The following ZNF106 variants were observed in gnomAD, a reference collection of about 807,000 sequenced individuals.
ZNF106 encodes SH3-domain binding protein 3.
In ZNF106, 67 loss-of-function variants were observed where a neutral mutation model predicts 195.1. The ratio of observed to expected loss-of-function variants is 0.34; its 90% CI spans 0.28 to 0.42. The LOEUF (loss-of-function observed/expected upper bound fraction) is 0.42, where lower values mean the gene tolerates loss of function less well. Ranked by LOEUF, ZNF106 falls within the 10% of genes least tolerant of loss-of-function variation. The pLI, the probability that ZNF106 is intolerant of heterozygous loss-of-function variation, is 1.00. For synonymous variants in ZNF106, 784 were observed against 818.6 expected (o/e 0.96, Z 0.72); for missense variants, 2,118 against 2,304.5 (o/e 0.92, Z 1.66).
At chr15:42,442,551 C>A (rs1384494040) in intron 9 of ZNF106, 137 bp from the exon 10 acceptor site, 8 of 644,640 alleles carry the variant, frequency 1.2e-5, no homozygotes, top group South Asian at 2.4e-5. Flanking sequence ...CATAATTCTC[C>A]GAAATATGGA....
At chr15:42,443,085 C>G (rs1271898647) in intron 9 of ZNF106, among the ~76,000 whole-genome samples, 1 of 152,066 alleles carries the variant, frequency 6.6e-6, no homozygotes, top group East Asian at 1.9e-4. Context: ...CCAGGCTGGT[C>G]TCAAACTTCT....
intron 7 of ZNF106, among the ~76,000 whole-genome samples, chr15:42,446,217 T>C (rs2055762717): frequency 6.6e-6 from 1 of 152,184 alleles, no homozygotes; most frequent in African/African-American, 2.4e-5. Flanking sequence ...AAAAAGTAAA[T>C]GGACAATCAG....
intron 1 of ZNF106, among the ~76,000 whole-genome samples, chr15:42,483,810 A>T (rs1171915945): frequency 1.3e-5 from 2 of 152,014 alleles, no homozygotes; most frequent in Non-Finnish European, 2.9e-5. Flanking sequence ...GCTTTTTCAT[A>T]TGCTGGTCCC....
intron 13 of ZNF106, among the ~76,000 whole-genome samples, chr15:42,436,244 T>C (rs1288833120): frequency 6.6e-6 from 1 of 152,158 alleles, no homozygotes; most frequent in East Asian, 1.9e-4. Context: ...TGAGCCACTG[T>C]GCCCGGCCAC....
At chr15:42,447,196 A>T (rs1408092612) in intron 6 of ZNF106, among the ~76,000 whole-genome samples, 2 of 152,214 alleles carry the variant, frequency 1.3e-5, no homozygotes, top group Admixed American at 6.5e-5. Flanking sequence ...TCATGACCTT[A>T]ACTACTATGC....
At chr15:42,444,339 T>C (rs1236619930) in intron 8 of ZNF106, 77 bp from the exon 9 acceptor site, 1 of 1,140,604 alleles carries the variant, frequency 8.8e-7, no homozygotes, top group Non-Finnish European at 1.3e-6. Flanking sequence ...TTTTCTTCTA[T>C]GTCCTGACCA....
chr15:42,482,532 T>TTTTG (rs1447875904), intron 1 of ZNF106, among the ~76,000 whole-genome samples: 9 of 138,540 alleles, frequency 6.5e-5, no homozygotes, highest in Non-Finnish European at 1.4e-4. Context: ...GTTTTTTTTT[T>TTTTG]TTTTTTTTTT....
At chr15:42,461,144 C>T (rs899837093) in intron 3 of ZNF106, among the ~76,000 whole-genome samples, 1 of 152,094 alleles carries the variant, frequency 6.6e-6, no homozygotes, top group African/African-American at 2.4e-5. Context: ...AAGCATATTA[C>T]CTCTATTACC....
chr15:42,462,524 G>A lies in ZNF106; in HGVS notation c.116+3529C>T, dbSNP rs12324164. Among the ~76,000 whole-genome samples the A allele has an allele frequency of 6.2e-3, 935 of 151,072 alleles. 6 individuals are homozygous for A. Among genetic ancestry groups the A allele is most frequent in the African/African-American group, 0.022 (894 of 41,092 alleles). ...CAGGCAGGAGAATCGCTTGAACCAG[G>A]GAGGCAGAGGTTGCAGTGAGCCGAG... On this transcript the variant is annotated intron_variant, in intron 3 of 21. Transcript: ENST00000564754.
chr15:42,415,548 C>G lies in ZNF106; in HGVS notation c.*1756G>C. On this transcript the variant is annotated 3_prime_UTR_variant, in exon 22 of 22. Transcript: ENST00000564754. Reference sequence around the variant, plus strand: ...CTCACAGACCCTCTTGAAGCCTATCCATAAACCCCCTGGTGAAGTCCCCCT... The same window carrying G: ...CTCACAGACCCTCTTGAAGCCTATCGATAAACCCCCTGGTGAAGTCCCCCT... 1 of 451,296 alleles carries G rather than the reference C, an allele frequency of 2.2e-6. No homozygotes were observed. The highest frequency in any genetic ancestry group is 4.5e-6 in the Non-Finnish European group (1 of 224,568). The allele number at this position is 451,296 out of a possible 1,614,324, so 28.0% of individuals were successfully genotyped here.
chr15:42,430,464 T>C (rs764181220), intron 14 of ZNF106, among the ~76,000 whole-genome samples: 6 of 152,060 alleles, frequency 3.9e-5, no homozygotes, highest in Non-Finnish European at 8.8e-5. Context: ...ACTGCAGCCT[T>C]GACCTCCGAG....
chr15:42,418,632 G>A (rs1010098786), intron 20 of ZNF106, among the ~76,000 whole-genome samples: 13 of 148,012 alleles, frequency 8.8e-5, no homozygotes, highest in African/African-American at 3.3e-4. Flanking sequence ...GCCCATCTTG[G>A]CCTCCCAAAG....
In ZNF106 at chr15:42,451,966, A is replaced by C; in HGVS notation, c.318-12T>G. On this transcript the variant is annotated splice_polypyrimidine_tract_variant and intron_variant, in intron 4 of 21. Coordinates refer to ENST00000564754, the MANE Select transcript of ZNF106 (RefSeq NM_001366845.3). ...AAGGTTCATCTTGTCTGGAAGAAAAACAGTTTTTCATTAGCGATTTAAAGG... is the reference window on the plus strand; with the variant it reads ...AAGGTTCATCTTGTCTGGAAGAAAACCAGTTTTTCATTAGCGATTTAAAGG... 6.3e-7 allele frequency: 1 copy of C among 1,594,282 alleles called. No homozygotes were observed. The highest frequency in any genetic ancestry group is 1.1e-5 in the South Asian group (1 of 88,316).
intron 3 of ZNF106, among the ~76,000 whole-genome samples, chr15:42,460,472 C>G (rs1285232308): frequency 2.0e-5 from 3 of 152,210 alleles, no homozygotes; most frequent in Non-Finnish European, 4.4e-5. Context: ...AACCATTTTG[C>G]AATCCTAGTG....
chr15:42,450,329 T>C lies in ZNF106; in HGVS notation c.1943A>G (p.Lys648Arg), dbSNP rs758432040. 1 of 1,614,170 alleles carries C rather than the reference T, an allele frequency of 6.2e-7. No homozygotes were observed. The highest frequency in any genetic ancestry group is 1.1e-5 in the South Asian group (1 of 91,082). Residue 648 changes from lysine (K) to arginine (R), a missense_variant, in exon 5 of 22, where the codon AAA becomes AGA. By Grantham distance (26) the Lys-to-Arg change is conservative. Coordinates refer to ENST00000564754, the MANE Select transcript of ZNF106 (RefSeq NM_001366845.3). ...CTTCAGGATGCGGTCATCCTCCTCT[T>C]TCTCATCAGCAGTTCGAGTGCTGCC... ...LSGSTRTADE[K>R]EEDDRILKTS...
At chr15:42,480,852 G>A (rs1442582310) in intron 1 of ZNF106, among the ~76,000 whole-genome samples, 2 of 152,096 alleles carry the variant, frequency 1.3e-5, no homozygotes, top group Non-Finnish European at 2.9e-5. Flanking sequence ...GGGCGTGGTG[G>A]CAGGCACCTG....
At chr15:42,431,130 T>C (rs774137351) in intron 14 of ZNF106, among the ~76,000 whole-genome samples, 2 of 152,062 alleles carry the variant, frequency 1.3e-5, no homozygotes, top group Non-Finnish European at 2.9e-5. Flanking sequence ...TTTAGAAGTA[T>C]CTTATTTTCA....
chr15:42,485,557 A>C (rs1030054396), intron 1 of ZNF106, among the ~76,000 whole-genome samples: 9 of 152,154 alleles, frequency 5.9e-5, no homozygotes, highest in Admixed American at 4.6e-4. Flanking sequence ...GTGTCTAAAC[A>C]GTCCCAGTCT....
intron 1 of ZNF106, among the ~76,000 whole-genome samples, chr15:42,484,570 T>C (rs962559189): frequency 1.3e-5 from 2 of 151,826 alleles, no homozygotes; most frequent in African/African-American, 4.8e-5. Flanking sequence ...TGAAATACCA[T>C]CTCTACTAAA....
Sources: allele counts gnomAD v4.1 joint callset (sites outside exome capture counted in the v4.1 genomes callset), GRCh38; gene constraint gnomAD v4.1.1; transcripts MANE v1.5; gene names NCBI Gene and HGNC (gene_info 2026-07-23, HGNC 2026-07-21).